The following PLCZ1 variants were observed in gnomAD, a reference collection of about 807,000 sequenced individuals.
PLCZ1 encodes phospholipase C zeta 1.
A neutral mutation model predicts 76.8 loss-of-function variants in PLCZ1; 64 were observed. That is an observed-to-expected ratio of 0.83 (90% CI 0.68 to 1.03). The LOEUF is 1.03. Among genes scored for constraint, PLCZ1 ranks in the 50% least tolerant of loss-of-function variants. The probability of loss-of-function intolerance (pLI) is 0.00; values close to 1 mark genes in which losing one functional copy is unlikely to be tolerated. For synonymous variants in PLCZ1, 248 were observed against 230.8 expected (o/e 1.07, Z -0.68); for missense variants, 751 against 713.7 (o/e 1.05, Z -0.60).
At chr12:18,656,424 G>T in the PLCZ1 span, among the ~76,000 whole-genome samples, 6 of 152,092 alleles carry the variant, frequency 3.9e-5, no homozygotes, top group African/African-American at 1.4e-4. Context: ...AAATTAGCTG[G>T]GCATGGTGGC....
In PLCZ1 at chr12:18,719,546, T is replaced by G; in HGVS notation, c.454A>C (p.Lys152Gln). The G allele has an allele frequency of 6.2e-7, 1 of 1,601,270 alleles. No individual in the cohort carries two copies. The highest frequency in any genetic ancestry group is 2.2e-5 in the East Asian group (1 of 44,506). The change falls in exon 5 of 15, where the codon AAA (lysine) becomes CAA (glutamine). Residue 152 changes from lysine (K) to glutamine (Q), a missense_variant. By Grantham distance (53) the Lys-to-Gln change is moderately conservative. Transcript: ENST00000266505. ...GGATGAGTCATATCTTGATAAACTT[T>G]TCTACATTCATTTTTAAACAGTAGA... Reference protein sequence around the residue: ...ECLLFKNECRKVYQDMTHPLN... With the variant: ...ECLLFKNECRQVYQDMTHPLN...
chr12:18,728,408 G>A (rs1958871769), intron 3 of PLCZ1, among the ~76,000 whole-genome samples: 2 of 152,170 alleles, frequency 1.3e-5, no homozygotes, highest in Non-Finnish European at 2.9e-5. Flanking sequence ...CCATTTACAT[G>A]TCTTCAACGT....
At chr12:18,696,465 ATTAT>A (rs1271927273) in intron 10 of PLCZ1, among the ~76,000 whole-genome samples, 199 bp from the exon 11 acceptor site, 2 of 150,858 alleles carry the variant, frequency 1.3e-5, no homozygotes, top group African/African-American at 4.9e-5. Flanking sequence ...ATAATTCACT[ATTAT>A]TTAGATGTTA....
chr12:18,693,915 T>G (rs1954542478), intron 12 of PLCZ1: 1 of 1,526,518 alleles, frequency 6.6e-7, no homozygotes, highest in African/African-American at 1.4e-5. Context: ...GATGTAACCC[T>G]GCACGACTTG....
At chr12:18,720,425 T>G (rs1958372097) in intron 4 of PLCZ1, among the ~76,000 whole-genome samples, 1 of 151,252 alleles carries the variant, frequency 6.6e-6, no homozygotes, top group Non-Finnish European at 1.5e-5. Flanking sequence ...TCTTTAGTAA[T>G]TAATCTCTGA....
At chr12:18,733,792 C>G (rs1366008600) in intron 3 of PLCZ1, among the ~76,000 whole-genome samples, 1 of 152,080 alleles carries the variant, frequency 6.6e-6, no homozygotes, top group Admixed American at 6.6e-5. Flanking sequence ...GGGTTTATTT[C>G]TGGGCTCTCT....
At chr12:18,704,118 G>A (rs1307428486) in intron 7 of PLCZ1, among the ~76,000 whole-genome samples, 3 of 152,140 alleles carry the variant, frequency 2.0e-5, no homozygotes, top group Non-Finnish European at 4.4e-5. Flanking sequence ...AGTAATTCAG[G>A]GAAAGGAAGT....
the PLCZ1 span, among the ~76,000 whole-genome samples, chr12:18,666,599 C>T: frequency 6.6e-6 from 1 of 151,946 alleles, no homozygotes; most frequent in African/African-American, 2.4e-5. Flanking sequence ...AAGAAAGAAA[C>T]AGATAGTTCA....
the PLCZ1 span, among the ~76,000 whole-genome samples, chr12:18,675,357 G>T: frequency 6.6e-6 from 1 of 152,072 alleles, no homozygotes; most frequent in Non-Finnish European, 1.5e-5. Context: ...TAGGTACATT[G>T]AGACTATACC....
At chr12:18,689,278 GA>G (rs200550038) in intron 12 of PLCZ1, among the ~76,000 whole-genome samples, 163 of 148,900 alleles carry the variant, frequency 1.1e-3, no homozygotes, top group African/African-American at 2.1e-3. Flanking sequence ...ATTCCAGAAA[GA>G]AAAAAAAAAT....
chr12:18,711,390 G>C (rs1427588563), intron 6 of PLCZ1, among the ~76,000 whole-genome samples: 7 of 104,596 alleles, frequency 6.7e-5, no homozygotes, highest in African/African-American at 1.8e-4. Context: ...GTTGTGGGGT[G>C]GGGGGAGGGG....
the PLCZ1 span, among the ~76,000 whole-genome samples, chr12:18,676,929 T>C: frequency 1.3e-5 from 2 of 152,248 alleles, no homozygotes; most frequent in Non-Finnish European, 2.9e-5. Context: ...TCCCAAAGAC[T>C]GTAAAAGCAA....
chr12:18,645,808 A>G, the PLCZ1 span, among the ~76,000 whole-genome samples: 1 of 152,282 alleles, frequency 6.6e-6, no homozygotes, highest in South Asian at 2.1e-4. Context: ...AATTATTGAT[A>G]TGTTTTTTAA....
At chr12:18,727,774 A>G (rs765300188) in intron 3 of PLCZ1, among the ~76,000 whole-genome samples, 2 of 152,164 alleles carry the variant, frequency 1.3e-5, no homozygotes, top group Non-Finnish European at 2.9e-5. Flanking sequence ...AGCAGTGTAG[A>G]AGGTAGATGT....
chr12:18,731,444 C>T (rs182273389), intron 3 of PLCZ1, among the ~76,000 whole-genome samples: 29 of 151,734 alleles, frequency 1.9e-4, no homozygotes, highest in African/African-American at 7.0e-4. Flanking sequence ...TGTTCCTCTT[C>T]GTACCACACT....
intron 3 of PLCZ1, among the ~76,000 whole-genome samples, chr12:18,733,503 T>C (rs1241890149): frequency 6.6e-6 from 1 of 152,056 alleles, no homozygotes; most frequent in Non-Finnish European, 1.5e-5. Context: ...CCTGTCTTTG[T>C]TTCAATCCCT....
In PLCZ1 at chr12:18,736,289, T is replaced by A; in HGVS notation, c.67A>T (p.Lys23Ter). Residue 23 changes from lysine (K) to a stop codon, truncating the protein, a stop_gained, in exon 3 of 15, where the codon AAA becomes TAA. Transcript: ENST00000266505. LOFTEE classifies it high-confidence loss of function. ...AATTTTTCAAGTAACCTCTGAGTTT[T>A]TTCTAGGTTAATTTTTCCACCTCTG... ...DFRGGKINLE[K>*]TQRLLEKLDI... 6.2e-7 allele frequency: 1 copy of A among 1,612,860 alleles called. No homozygotes were observed.
chr12:18,651,931 C>T, the PLCZ1 span, among the ~76,000 whole-genome samples: 5 of 152,144 alleles, frequency 3.3e-5, no homozygotes, highest in African/African-American at 1.2e-4. Flanking sequence ...TCCATCATAA[C>T]TCAGCAGGGA....
At chr12:18,665,191 A>G in the PLCZ1 span, among the ~76,000 whole-genome samples, 1 of 151,474 alleles carries the variant, frequency 6.6e-6, no homozygotes, top group East Asian at 1.9e-4. Flanking sequence ...TAAAAAAAAT[A>G]AGAACAAAGA....
Sources: allele counts gnomAD v4.1 joint callset (sites outside exome capture counted in the v4.1 genomes callset), GRCh38; gene constraint gnomAD v4.1.1; transcripts MANE v1.5; gene names NCBI Gene and HGNC (gene_info 2026-07-23, HGNC 2026-07-21).